The following KCNQ3 variants were observed in gnomAD, a reference collection of about 807,000 sequenced individuals.
KCNQ3 encodes the protein potassium voltage-gated channel subfamily KQT member 3.
In KCNQ3, 30 loss-of-function variants were observed where a neutral mutation model predicts 92.5. The observed-to-expected ratio is 0.32, with a 90% CI of 0.24 to 0.44. The LOEUF (loss-of-function observed/expected upper bound fraction) is 0.44. Among genes scored for constraint, KCNQ3 ranks in the 20% least tolerant of loss-of-function variants. KCNQ3 has a pLI of 1.00. For synonymous variants in KCNQ3, 450 were observed against 468.8 expected, an observed-to-expected ratio of 0.96 and a Z score of 0.52; for missense variants, 913 against 1,140.3, an observed-to-expected ratio of 0.80 and a Z score of 2.87.
chr8:132,346,669 C>G (rs990939737), intron 1 of KCNQ3, among the ~76,000 whole-genome samples: 1 of 152,222 alleles, frequency 6.6e-6, no homozygotes, highest in African/African-American at 2.4e-5. Flanking sequence ...TTCATGTTTG[C>G]CTGGACAAAT....
At chr8:132,164,025 A>C (rs1443358681) in intron 8 of KCNQ3, among the ~76,000 whole-genome samples, 1 of 152,178 alleles carries the variant, frequency 6.6e-6, no homozygotes, top group Non-Finnish European at 1.5e-5. Flanking sequence ...CACAGTTAGG[A>C]GGCAGCAAAG....
At chr8:132,135,354 C>T (rs1278799668) in intron 12 of KCNQ3, among the ~76,000 whole-genome samples, 2 of 146,510 alleles carry the variant, frequency 1.4e-5, no homozygotes, top group Non-Finnish European at 3.0e-5. Context: ...TAGGTTGGGA[C>T]GGGGTGGGAG....
chr8:132,187,844 T>C (rs946003828), intron 1 of KCNQ3, among the ~76,000 whole-genome samples: 2 of 124,844 alleles, frequency 1.6e-5, no homozygotes, highest in African/African-American at 3.8e-5. Flanking sequence ...GTGGTGGTGG[T>C]GGTGGTAGTG....
At position 132,480,439 on chromosome 8, in the gene KCNQ3, C is replaced by A. The variant is rs754272127; in HGVS notation, c.94G>T (p.Asp32Tyr). ...TCCTCGTCGCCGGCCGCCGCCGCGT[C>A]CCCTCCGGCTGGGTTAGCCGCCCCG... ...GGGAANPAGG[D>Y]AAAAGDEERK... Residue 32 changes from aspartate (D) to tyrosine (Y), a missense_variant, in exon 1 of 15, where the codon GAC (aspartate) becomes TAC (tyrosine). Asp to Tyr is a radical substitution (Grantham distance 160). Coordinates refer to ENST00000388996, the MANE Select transcript of KCNQ3 (RefSeq NM_004519.4). 9.7e-6 allele frequency: 14 copies of A among 1,448,828 alleles called. No individual in the cohort carries two copies. The highest frequency in any genetic ancestry group is 2.2e-5 in the Admixed American group (1 of 44,738). The allele number at this position is 1,448,828 out of a possible 1,614,324, so 89.7% of individuals were successfully genotyped here.
At chr8:132,305,978 G>A (rs1817410118) in intron 1 of KCNQ3, among the ~76,000 whole-genome samples, 1 of 152,074 alleles carries the variant, frequency 6.6e-6, no homozygotes, top group Non-Finnish European at 1.5e-5. Flanking sequence ...GTCAAGCAGT[G>A]TGCTAAGCTC....
At chr8:132,300,093 G>T (rs1164013572) in intron 1 of KCNQ3, among the ~76,000 whole-genome samples, 2 of 152,192 alleles carry the variant, frequency 1.3e-5, no homozygotes, top group Non-Finnish European at 2.9e-5. Context: ...CCAATAACAT[G>T]CCTGCAACAC....
chr8:132,179,092 C>T (rs1167365921), intron 4 of KCNQ3, among the ~76,000 whole-genome samples: 1 of 150,070 alleles, frequency 6.7e-6, no homozygotes, highest in Non-Finnish European at 1.5e-5. Context: ...TTTCTCCTCT[C>T]GGGATTTTTT....
At chr8:132,294,498 C>G (rs1432322824) in intron 1 of KCNQ3, among the ~76,000 whole-genome samples, 1 of 152,134 alleles carries the variant, frequency 6.6e-6, no homozygotes, top group African/African-American at 2.4e-5. Context: ...GCTTCTTGGT[C>G]CTATAGGTCC....
At chr8:132,174,439 C>T in intron 5 of KCNQ3, 90 bp from the exon 6 acceptor site, 1 of 983,910 alleles carries the variant, frequency 1.0e-6, no homozygotes, top group South Asian at 1.4e-5. Context: ...GCCTCTCCAT[C>T]AGCTTGGGCA....
Position 132,397,664 on chromosome 8 carries a change from A to G in KCNQ3, c.386+82483T>C, listed in dbSNP as rs528462284. Among the ~76,000 whole-genome samples, 328 of 152,264 alleles carry G rather than the reference A, an allele frequency of 2.2e-3. 3 individuals carry two copies. The highest frequency in any genetic ancestry group is 0.014 in the Middle Eastern group (4 of 294). ...ACTGTGCTCAGTAAGGGATTACCAG[A>G]GGAGATTTAAGGAATTTCCACGGCT... On this transcript the variant is annotated intron_variant, in intron 1 of 14. Coordinates refer to ENST00000388996, the MANE Select transcript of KCNQ3 (RefSeq NM_004519.4).
chr8:132,373,043 T>C (rs1819517565), intron 1 of KCNQ3, among the ~76,000 whole-genome samples: 1 of 152,096 alleles, frequency 6.6e-6, no homozygotes, highest in Non-Finnish European at 1.5e-5. Flanking sequence ...CAGTCCCTGG[T>C]TGGGATTCTG....
At chr8:132,379,376 G>A (rs1417527269) in intron 1 of KCNQ3, among the ~76,000 whole-genome samples, 1 of 152,026 alleles carries the variant, frequency 6.6e-6, no homozygotes, top group East Asian at 1.9e-4. Flanking sequence ...AAATGGAGGG[G>A]CAGGAATGTG....
At chr8:132,326,910 T>G (rs1282853581) in intron 1 of KCNQ3, among the ~76,000 whole-genome samples, 1 of 152,230 alleles carries the variant, frequency 6.6e-6, no homozygotes, top group African/African-American at 2.4e-5. Flanking sequence ...ACCTCGACCA[T>G]CTCACCTAAT....
At chr8:132,369,549 A>G (rs1819413892) in intron 1 of KCNQ3, among the ~76,000 whole-genome samples, 1 of 150,646 alleles carries the variant, frequency 6.6e-6, no homozygotes, top group Non-Finnish European at 1.5e-5. Context: ...TCATGGTACT[A>G]CAAAGTAAGG....
intron 9 of KCNQ3, among the ~76,000 whole-genome samples, chr8:132,154,647 G>T (rs1282871815): frequency 1.3e-5 from 2 of 152,214 alleles, no homozygotes; most frequent in African/African-American, 2.4e-5. Context: ...GCTGCAGGAA[G>T]TTTGTGCCGC....
At chr8:132,147,025 T>C (rs1197405701) in intron 9 of KCNQ3, among the ~76,000 whole-genome samples, 1 of 152,126 alleles carries the variant, frequency 6.6e-6, no homozygotes, top group African/African-American at 2.4e-5. Flanking sequence ...ACTACAATTT[T>C]AAAAAAATTT....
At chr8:132,211,593 GA>G (rs1813855507) in intron 1 of KCNQ3, among the ~76,000 whole-genome samples, 1 of 152,122 alleles carries the variant, frequency 6.6e-6, no homozygotes, top group African/African-American at 2.4e-5. Context: ...ATGAGTTAAA[GA>G]AAATCTTTAA....
chr8:132,260,422 C>T (rs180845775), intron 1 of KCNQ3, among the ~76,000 whole-genome samples: 1 of 151,992 alleles, frequency 6.6e-6, no homozygotes, highest in Admixed American at 6.6e-5. Context: ...GAAAATAAAT[C>T]TTTCTTCTTG....
Position 132,134,369 on chromosome 8 carries a change from G to A in KCNQ3, c.1720C>T (p.Pro574Ser), listed in dbSNP as rs74582884. 2.7e-3 allele frequency: 4,423 copies of A among 1,612,916 alleles called. 13 individuals carry two copies. Among genetic ancestry groups the A allele is most frequent in the Non-Finnish European group, 3.3e-3 (3,933 of 1,178,974 alleles). ...LQTRIDMIFT[P>S]GPPSTPKHKK... ...TGTTTTGGCGTGGAGGGAGGTCCAG[G>A]GGTGAAAATCATATCTATTCTGAAA... is the stretch of plus-strand genomic sequence containing the variant. The change falls in exon 13 of 15, where the codon CCT becomes TCT. Residue 574 changes from proline to serine, a missense_variant. Pro to Ser is a moderately conservative substitution (Grantham distance 74). Coordinates refer to ENST00000388996, the MANE Select transcript of KCNQ3 (RefSeq NM_004519.4).
Sources: allele counts gnomAD v4.1 joint callset (sites outside exome capture counted in the v4.1 genomes callset), GRCh38; gene constraint gnomAD v4.1.1; transcripts MANE v1.5; gene names NCBI Gene and HGNC (gene_info 2026-07-23, HGNC 2026-07-21).